The following CPT1C variants were observed in gnomAD, a reference collection of about 807,000 sequenced individuals.
CPT1C encodes palmitoyl thioesterase CPT1C.
CPT1C carries 61 observed loss-of-function variants against 97.3 expected under a neutral mutation model. That is an observed-to-expected ratio of 0.63 (90% CI 0.51 to 0.78). The LOEUF (loss-of-function observed/expected upper bound fraction) is 0.78, where lower values mean the gene tolerates loss of function less well. Among genes scored for constraint, CPT1C ranks in the 30% least tolerant of loss-of-function variants. CPT1C has a pLI of 0.00. For missense variants in CPT1C, 975 were observed against 1,065.5 expected, an observed-to-expected ratio of 0.92 and a Z score of 1.18; for synonymous variants, 469 against 447.2, an observed-to-expected ratio of 1.05 and a Z score of -0.61.
intron 16 of CPT1C, chr19:49,711,198 A>G (rs1162045370): frequency 1.8e-5 from 3 of 167,698 alleles, no homozygotes; most frequent in African/African-American, 7.2e-5. Flanking sequence ...GGTTCAAGCG[A>G]TTCTCATGCC....
chr19:49,696,874 C>T (rs530434625), intron 3 of CPT1C, among the ~76,000 whole-genome samples: 8 of 152,080 alleles, frequency 5.3e-5, no homozygotes, highest in Non-Finnish European at 8.8e-5. Flanking sequence ...TCAAGTGATC[C>T]GCCTGCCTCA....
chr19:49,710,131 C>T (rs113716427), intron 14 of CPT1C, among the ~76,000 whole-genome samples, 189 bp from the exon 15 acceptor site: 12 of 151,792 alleles, frequency 7.9e-5, no homozygotes, highest in South Asian at 4.2e-4. Flanking sequence ...TACAGGCGTG[C>T]GCCACCACGC....
chr19:49,700,777 C>G lies in CPT1C; in HGVS notation c.375C>G (p.Ala125=). 1.2e-6 allele frequency: 2 copies of G among 1,613,378 alleles called. No individual in the cohort carries two copies. The highest frequency in any genetic ancestry group is 1.7e-6 in the Non-Finnish European group (2 of 1,179,996). The change falls in exon 5 of 20, where the codon GCC becomes GCG. Residue 125 remains alanine, a synonymous_variant. Transcript: ENST00000598293. ...WGALIFTLHV[A]LRLLLSYHGW... Reference sequence around the variant, plus strand: ...CCCTGATCTTCACACTGCACGTGGCCCTGAGGCTGCTTCTGTCCTACCACG... The same window carrying G: ...CCCTGATCTTCACACTGCACGTGGCGCTGAGGCTGCTTCTGTCCTACCACG...
At chr19:49,698,570 G>A (rs1361224615) in intron 4 of CPT1C, among the ~76,000 whole-genome samples, 2 of 151,952 alleles carry the variant, frequency 1.3e-5, no homozygotes, top group African/African-American at 4.8e-5. Context: ...GGCTAAGGCA[G>A]GATAATCACT....
chr19:49,703,133 C>T (rs2083282704), intron 7 of CPT1C, among the ~76,000 whole-genome samples: 2 of 150,648 alleles, frequency 1.3e-5, no homozygotes, highest in Non-Finnish European at 3.0e-5. Context: ...CCCTCCCTCC[C>T]TCCCTCCTTT....
In CPT1C at chr19:49,701,414, G is replaced by C; in HGVS notation, c.551G>C (p.Arg184Pro). ...QPVPSVQDTVRKYLESVRPIL... is the reference protein window; with the variant it reads ...QPVPSVQDTVPKYLESVRPIL... ...GTGCCCTCTGTGCAGGACACCGTGC[G>C]CAAGGTGGGCCTGGGAGCGCGCAGA... Residue 184 changes from arginine to proline, a missense_variant, in exon 6 of 20, where the codon CGC becomes CCC. Arg to Pro is a moderately radical substitution (Grantham distance 103, BLOSUM62 -2). Coordinates refer to ENST00000598293, the MANE Select transcript of CPT1C (RefSeq NM_001199753.2). 6.2e-7 allele frequency: 1 copy of C among 1,608,492 alleles called. No individual in the cohort carries two copies. Among genetic ancestry groups the C allele is most frequent in the Non-Finnish European group, 8.5e-7 (1 of 1,176,830 alleles).
rs2083043926 is a variant in CPT1C, at chr19:49,701,392, C to T, written c.529C>T (p.Pro177Ser). ...GCGCTCCCTGCCACGCCAGCCCGTG[C>T]CCTCTGTGCAGGACACCGTGCGCAA... ...YQRSLPRQPV[P>S]SVQDTVRKYL... The change falls in exon 6 of 20, where the codon CCC (proline) becomes TCC (serine). Residue 177 changes from proline to serine, a missense_variant. By Grantham distance (74) the Pro-to-Ser change is moderately conservative. Coordinates refer to ENST00000598293, the MANE Select transcript of CPT1C (RefSeq NM_001199753.2). 1 of 1,613,498 alleles carries T rather than the reference C, an allele frequency of 6.2e-7. No individual in the cohort carries two copies. Among genetic ancestry groups the T allele is most frequent in the Non-Finnish European group, 8.5e-7 (1 of 1,179,880 alleles).
chr19:49,690,808 A>G, upstream of CPT1C: 1 of 289,718 alleles, frequency 3.5e-6, no homozygotes, highest in Non-Finnish European at 6.4e-6. The surrounding 1 kb of genome is among the most constrained non-coding windows in gnomAD (Gnocchi z 4.4). Context: ...GAAAGGGCTG[A>G]GATTTGCTCC....
intron 17 of CPT1C, chr19:49,712,459 A>C: frequency 2.2e-6 from 1 of 464,412 alleles, no homozygotes. Context: ...GGAGCAGACA[A>C]AAGGGGAGAG....
intron 4 of CPT1C, 22 bp from the exon 5 acceptor site, chr19:49,700,662 G>A (rs867488127): frequency 1.2e-6 from 2 of 1,602,506 alleles, no homozygotes; most frequent in Admixed American, 1.7e-5. Context: ...CCCAGGCCCA[G>A]CCTCTGTTTC....
intron 18 of CPT1C, 50 bp from the exon 19 acceptor site, chr19:49,712,922 G>C: frequency 6.3e-7 from 1 of 1,587,828 alleles, no homozygotes; most frequent in African/African-American, 1.3e-5. Flanking sequence ...GCATAGTGGG[G>C]GTGGAGGGGA....
chr19:49,710,489 G>T lies in CPT1C; in HGVS notation c.1731+5G>T. 1 of 1,614,166 alleles carries T rather than the reference G, an allele frequency of 6.2e-7. No individual in the cohort carries two copies. The highest frequency in any genetic ancestry group is 8.5e-7 in the Non-Finnish European group (1 of 1,180,046). ...TTGCAACTGGCCCACTTCCGGGTCAGTTGGGTTCCCCATCCACAGCCCCCG... is the reference window on the plus strand; with the variant it reads ...TTGCAACTGGCCCACTTCCGGGTCATTTGGGTTCCCCATCCACAGCCCCCG... On this transcript the variant is annotated splice_donor_5th_base_variant and intron_variant, in intron 15 of 19. Transcript: ENST00000598293.
Position 49,705,959 on chromosome 19 carries a change from G to T in CPT1C, c.1015G>T (p.Gly339Cys). The change falls in exon 11 of 20, where the codon GGC becomes TGC. Residue 339 changes from glycine (G) to cysteine (C), a missense_variant. Transcript: ENST00000598293. ...CCAACACGTGGCTGTCTTCCACCGG[G>T]GCCGATTCTTCCGCATGGGGACCCA... ...DSQHVAVFHR[G>C]RFFRMGTHSR... is the part of the protein sequence containing the mutation. 6.2e-7 allele frequency: 1 copy of T among 1,613,780 alleles called. No individual in the cohort carries two copies. Among genetic ancestry groups the T allele is most frequent in the Non-Finnish European group, 8.5e-7 (1 of 1,179,914 alleles).
rs1310282327 is a variant in CPT1C at position 49,707,878 on chromosome 19, C to T, written c.1449+255C>T. The stretch of plus-strand genomic sequence containing the variant: ...ATTAGCCAGGCATGGTGGTGTGTGC[C>T]TGTAATCCCTGCTACTCGGGAGGCT... On this transcript the variant is annotated intron_variant, in intron 13 of 19. Coordinates refer to ENST00000598293, the MANE Select transcript of CPT1C (RefSeq NM_001199753.2). Among the ~76,000 whole-genome samples, 4 of 151,786 alleles carry T rather than the reference C, an allele frequency of 2.6e-5. No individual in the cohort carries two copies. The East Asian group carries it at 7.7e-4, about 29-fold the overall frequency.
At chr19:49,697,203 C>A in intron 3 of CPT1C, 123 bp from the exon 4 acceptor site, 1 of 1,236,388 alleles carries the variant, frequency 8.1e-7, no homozygotes, top group Non-Finnish European at 1.2e-6. Context: ...CTGTTCCCTA[C>A]TAGATCTTGA....
chr19:49,696,637 T>TTTC lies in CPT1C; in HGVS notation c.142-687_142-686insCTT, dbSNP rs1491115617. On this transcript the variant is annotated intron_variant, in intron 3 of 19. Coordinates refer to ENST00000598293, the MANE Select transcript of CPT1C (RefSeq NM_001199753.2). Reference sequence around the variant, plus strand: ...ACTGCGCCTAATTTTTTTTTCTTTCTTTTTTTTTTTTTGGAGACCTTGTCT... The same window carrying TTTC: ...ACTGCGCCTAATTTTTTTTTCTTTCTTTCTTTTTTTTTTTTGGAGACCTTGTCT... 1.8e-4 allele frequency: 11 copies of TTTC among 61,516 alleles called. No individual in the cohort carries two copies. The African/African-American group carries it at 2.5e-3, about 14-fold the overall frequency. 3.8% of individuals were successfully genotyped at this position (61,516 alleles called of 1,614,324 possible). A position where few individuals can be genotyped will look rare whatever the true frequency, so the allele number is the denominator to read the frequency against.
intron 3 of CPT1C, among the ~76,000 whole-genome samples, chr19:49,693,854 C>T (rs1012850314): frequency 3.3e-5 from 5 of 152,000 alleles, no homozygotes; most frequent in Admixed American, 6.6e-5. Flanking sequence ...GTCAGGAGAT[C>T]GAGACCCTTC....
intron 7 of CPT1C, among the ~76,000 whole-genome samples, chr19:49,703,913 G>T (rs904984867): frequency 6.6e-6 from 1 of 152,020 alleles, no homozygotes; most frequent in African/African-American, 2.4e-5. Context: ...GATAAGAGGT[G>T]TGAGCCACTG....
At chr19:49,695,172 G>A (rs979717466) in intron 3 of CPT1C, among the ~76,000 whole-genome samples, 9 of 151,466 alleles carry the variant, frequency 5.9e-5, no homozygotes, top group Admixed American at 5.3e-4. Context: ...CATCCTTTTC[G>A]TGTGTTTAAA....
Sources: allele counts gnomAD v4.1 joint callset (sites outside exome capture counted in the v4.1 genomes callset), GRCh38; gene constraint gnomAD v4.1.1; non-coding constraint Gnocchi (gnomAD v3.1); transcripts MANE v1.5; gene names NCBI Gene and HGNC (gene_info 2026-07-23, HGNC 2026-07-21).